The following CADM2 variants were observed in gnomAD, a reference collection of about 807,000 sequenced individuals.
CADM2 encodes the protein immunoglobulin superfamily member 4D.
A neutral mutation model predicts 49.8 loss-of-function variants in CADM2; 12 were observed. The observed-to-expected ratio is 0.24, with a 90% CI of 0.15 to 0.39. The LOEUF (loss-of-function observed/expected upper bound fraction) is 0.39, where lower values mean the gene tolerates loss of function less well. CADM2 is among the 10% of genes least tolerant of loss of function. The pLI is 1.00. For missense variants in CADM2, 378 were observed against 492.3 expected, an observed-to-expected ratio of 0.77 and a Z score of 2.20; for synonymous variants, 214 against 175.4, an observed-to-expected ratio of 1.22 and a Z score of -1.74.
intron 1 of CADM2, among the ~76,000 whole-genome samples, chr3:85,564,699 T>C (rs1274321610): frequency 1.3e-5 from 2 of 152,072 alleles, no homozygotes; most frequent in African/African-American, 4.8e-5. Flanking sequence ...GAAGATATGT[T>C]AATGATTTTT....
chr3:86,000,573 T>C (rs997659931), intron 8 of CADM2, among the ~76,000 whole-genome samples: 2 of 151,852 alleles, frequency 1.3e-5, no homozygotes, highest in South Asian at 4.1e-4. Flanking sequence ...ATTTGCTAGA[T>C]ATGAGGGACT....
At chr3:85,964,949 G>A (rs1050578656) in intron 8 of CADM2, among the ~76,000 whole-genome samples, 19 of 151,448 alleles carry the variant, frequency 1.3e-4, no homozygotes, top group African/African-American at 3.9e-4. Flanking sequence ...TAGTTTTAAT[G>A]GCTTTGAATA....
chr3:85,313,021 G>T (rs562997518), intron 1 of CADM2, among the ~76,000 whole-genome samples: 1 of 152,298 alleles, frequency 6.6e-6, no homozygotes, highest in Non-Finnish European at 1.5e-5. Flanking sequence ...CAGCAGGAAA[G>T]AAAGTCCAAA....
rs115332828 is a variant in CADM2, at chr3:84,982,492, T to A, written c.61+22824T>A. ...AGGTACACTAATTACACGTTTAGGT[T>A]TTTATTGTTAATATTCATACACAAT... On this transcript the variant is annotated intron_variant, in intron 1 of 9. Transcript: ENST00000383699. Among the ~76,000 whole-genome samples, 1,494 of 151,732 alleles carry A rather than the reference T, an allele frequency of 9.8e-3. 35 individuals carry two copies. The highest frequency in any genetic ancestry group is 0.035 in the African/African-American group (1,433 of 41,454).
At chr3:85,385,149 G>T (rs2034148892) in intron 1 of CADM2, among the ~76,000 whole-genome samples, 1 of 151,932 alleles carries the variant, frequency 6.6e-6, no homozygotes, top group Non-Finnish European at 1.5e-5. Context: ...TGTCCAGGCT[G>T]GTCTCAAGCT....
chr3:85,902,442 T>C (rs1445688829), intron 5 of CADM2, among the ~76,000 whole-genome samples: 1 of 151,938 alleles, frequency 6.6e-6, no homozygotes, highest in African/African-American at 2.4e-5. Context: ...AAAGCATATA[T>C]TTTTATCATT....
chr3:85,825,745 T>G (rs2073875522), intron 3 of CADM2, among the ~76,000 whole-genome samples: 1 of 152,156 alleles, frequency 6.6e-6, no homozygotes, highest in Non-Finnish European at 1.5e-5. Flanking sequence ...AAAAATGTTA[T>G]GACAGCCACT....
At chr3:85,366,120 A>T (rs1216468775) in intron 1 of CADM2, among the ~76,000 whole-genome samples, 1 of 152,226 alleles carries the variant, frequency 6.6e-6, no homozygotes, top group East Asian at 1.9e-4. Context: ...TTCATCTGGA[A>T]TGTGCAGATG....
At chr3:85,156,667 TA>T (rs778759817) in intron 1 of CADM2, among the ~76,000 whole-genome samples, 1 of 152,104 alleles carries the variant, frequency 6.6e-6, no homozygotes, top group Non-Finnish European at 1.5e-5. Flanking sequence ...CTCAATAAAA[TA>T]GGTATTGATG....
Position 85,726,516 on chromosome 3 carries a change from T to C in CADM2, c.62-6T>C, listed in dbSNP as rs2067701648. 2 of 1,612,324 alleles carry C rather than the reference T, an allele frequency of 1.2e-6. No individual in the cohort carries two copies. Among genetic ancestry groups the C allele is most frequent in the Admixed American group, 1.7e-5 (1 of 59,984 alleles). On this transcript the variant is annotated splice_polypyrimidine_tract_variant and splice_region_variant and intron_variant, in intron 1 of 9. Coordinates refer to ENST00000383699, the MANE Select transcript of CADM2 (RefSeq NM_001167675.2). ...CTCTTCTTGTGCAACCTTTCCTTGG[T>C]ACCAGCGGCTGCTTCAAAGAATAAA...
At chr3:85,686,222 G>A (rs1303785338) in intron 1 of CADM2, among the ~76,000 whole-genome samples, 3 of 152,020 alleles carry the variant, frequency 2.0e-5, no homozygotes, top group African/African-American at 7.2e-5. Context: ...TAAAGTTGAT[G>A]TTTTATTATT....
At chr3:85,393,559 C>T (rs9309977) in intron 1 of CADM2, among the ~76,000 whole-genome samples, 38,109 of 151,910 alleles carry the variant, frequency 0.25, 4,952 homozygotes, top group South Asian at 0.34. Flanking sequence ...AAGTTGTATA[C>T]AGCCTAGGGA....
intron 4 of CADM2, among the ~76,000 whole-genome samples, chr3:85,885,752 T>C (rs912624709): frequency 6.9e-6 from 1 of 145,776 alleles, no homozygotes; most frequent in African/African-American, 2.6e-5. Context: ...CTTGGGAGTC[T>C]GAAGCAGGAG....
At position 85,423,840 on chromosome 3, in the gene CADM2, T is replaced by G. The variant is rs549166080; in HGVS notation, c.62-302682T>G. ...AGTGTAACCATTTACTCGTGTCTAC[T>G]TAAGTAGACTTGACAGGTCCCAAAC... On this transcript the variant is annotated intron_variant, in intron 1 of 9. Transcript: ENST00000383699. Among the ~76,000 whole-genome samples the G allele has an allele frequency of 2.6e-5, 4 of 152,320 alleles. No homozygotes were observed. In the South Asian group the frequency reaches 6.2e-4, roughly 24 times the overall value.
At chr3:85,367,962 G>T (rs2032919494) in intron 1 of CADM2, among the ~76,000 whole-genome samples, 1 of 151,884 alleles carries the variant, frequency 6.6e-6, no homozygotes, top group South Asian at 2.1e-4. Flanking sequence ...GTAAGAATTG[G>T]AATAGTATAT....
chr3:85,345,441 G>A (rs2030528512), intron 1 of CADM2, among the ~76,000 whole-genome samples: 1 of 151,958 alleles, frequency 6.6e-6, no homozygotes, highest in South Asian at 2.1e-4. Context: ...CATGTCCAGT[G>A]GTAGAAAAAA....
chr3:85,482,639 T>C (rs1384333878), intron 1 of CADM2, among the ~76,000 whole-genome samples: 1 of 151,694 alleles, frequency 6.6e-6, no homozygotes, highest in East Asian at 1.9e-4. Context: ...AAAGAAAATT[T>C]AGTGCATTTT....
At chr3:85,201,918 T>C (rs994383419) in intron 1 of CADM2, among the ~76,000 whole-genome samples, 1 of 151,650 alleles carries the variant, frequency 6.6e-6, no homozygotes, top group Non-Finnish European at 1.5e-5. Context: ...CCGTCTCTAC[T>C]AAAAATACAA....
At chr3:85,753,828 A>T (rs1409801297) in intron 2 of CADM2, among the ~76,000 whole-genome samples, 7 of 152,158 alleles carry the variant, frequency 4.6e-5, no homozygotes, top group Non-Finnish European at 1.0e-4. Context: ...AAAGAATTCA[A>T]GGGAGGGGCA....
Sources: gnomAD v4.1 joint callset for allele counts (sites outside exome capture counted in the v4.1 genomes callset) on GRCh38, gnomAD v4.1.1 for gene constraint, MANE v1.5 for transcripts, NCBI Gene and HGNC (gene_info 2026-07-23, HGNC 2026-07-21) for gene names.